The following MME variants were observed in gnomAD, a reference collection of about 807,000 sequenced individuals.
The protein encoded by MME is membrane metalloendopeptidase, also known as neprilysin.
In MME, 98 loss-of-function variants were observed where a neutral mutation model predicts 113.2. That is an observed-to-expected ratio of 0.87 (90% CI 0.74 to 1.02). The LOEUF is 1.02. Ranked by LOEUF, MME falls within the 50% of genes least tolerant of loss-of-function variation. The pLI, the probability that MME is intolerant of heterozygous loss-of-function variation, is 0.00. For synonymous variants in MME, 292 were observed against 300.6 expected, an observed-to-expected ratio of 0.97 and a Z score of 0.30; for missense variants, 836 against 896.0, an observed-to-expected ratio of 0.93 and a Z score of 0.86.
rs1713134561 is a variant in MME, at chr3:155,181,979, T to C, written c.*1520T>C. 6.6e-6 allele frequency: 1 copy of C among 152,098 alleles called. No individual in the cohort carries two copies. The highest frequency in any genetic ancestry group is 6.6e-5 in the Admixed American group (1 of 15,256). 9.4% of individuals were successfully genotyped at this position (152,098 alleles called of 1,614,324 possible). Reference sequence around the variant, plus strand: ...ACATAAATTGCATAAAGCATAAGTATACAGTTCAATAAACTTAACTTTAAC... The same window carrying C: ...ACATAAATTGCATAAAGCATAAGTACACAGTTCAATAAACTTAACTTTAAC... On this transcript the variant is annotated 3_prime_UTR_variant, in exon 23 of 23. Transcript: ENST00000360490.
chr3:155,119,181 C>G (rs901203861), intron 8 of MME, among the ~76,000 whole-genome samples: 1 of 152,092 alleles, frequency 6.6e-6, no homozygotes, highest in African/African-American at 2.4e-5. Context: ...ACCAGAGGGT[C>G]AGTGAGAGAT....
rs769125612 is a variant in MME, at chr3:155,180,481, C to G, written c.*22C>G. 1 of 1,583,126 alleles carries G rather than the reference C, an allele frequency of 6.3e-7. No individual in the cohort carries two copies. The highest frequency in any genetic ancestry group is 8.7e-7 in the Non-Finnish European group (1 of 1,152,098). ...GTGATCTTCAAAAGAAGCATTGCAGCCCTTGGCTAGACTTGCCAACACCAC... is the reference window on the plus strand; with the variant it reads ...GTGATCTTCAAAAGAAGCATTGCAGGCCTTGGCTAGACTTGCCAACACCAC... On this transcript the variant is annotated 3_prime_UTR_variant, in exon 23 of 23. Coordinates refer to ENST00000360490, the MANE Select transcript of MME (RefSeq NM_007289.4).
At chr3:155,105,169 T>G (rs1335931664) in intron 3 of MME, among the ~76,000 whole-genome samples, 1 of 152,190 alleles carries the variant, frequency 6.6e-6, no homozygotes, top group African/African-American at 2.4e-5. Flanking sequence ...AACTGAAGTT[T>G]ATTATTGTGA....
Position 155,142,275 on chromosome 3 carries a change from A to T in MME, c.1133A>T (p.Asp378Val), listed in dbSNP as rs201810771. Residue 378 changes from aspartate to valine, a missense_variant, in exon 12 of 23, where the codon GAT becomes GTT. Coordinates refer to ENST00000360490, the MANE Select transcript of MME (RefSeq NM_007289.4). The stretch of plus-strand genomic sequence containing the variant: ...TTAATGTCCTGGAGATTCATAATGG[A>T]TCTTGTAAGCAGCCTCAGCCGAACC... ...QNLMSWRFIMDLVSSLSRTYK... is the reference protein window; with the variant it reads ...QNLMSWRFIMVLVSSLSRTYK... The T allele has an allele frequency of 4.7e-5, 76 of 1,613,614 alleles. No individual in the cohort carries two copies. Among genetic ancestry groups the T allele is most frequent in the Non-Finnish European group, 9.3e-6 (11 of 1,179,712 alleles).
At chr3:155,053,144 C>G (rs946199925) in intron 1 of MME, among the ~76,000 whole-genome samples, 1 of 152,136 alleles carries the variant, frequency 6.6e-6, no homozygotes, top group Admixed American at 6.5e-5. Context: ...CAAACTTTCC[C>G]ACATTTTCCT....
intron 21 of MME, 66 bp downstream of exon 21, chr3:155,172,278 G>A: frequency 1.8e-6 from 2 of 1,100,088 alleles, no homozygotes; most frequent in South Asian, 2.5e-5. Context: ...CAGTAAGTTA[G>A]ATGTCACATG....
chr3:155,026,437 G>A (rs1041533310), intron 1 of MME, among the ~76,000 whole-genome samples: 9 of 152,074 alleles, frequency 5.9e-5, no homozygotes, highest in African/African-American at 2.2e-4. Flanking sequence ...AGAAAAATAA[G>A]CCTTGGCTGA....
At chr3:155,173,572 GTCATCATCA>G (rs71624560) in intron 22 of MME, among the ~76,000 whole-genome samples, 1 of 149,870 alleles carries the variant, frequency 6.7e-6, no homozygotes, top group Non-Finnish European at 1.5e-5. Flanking sequence ...TATCATCGTT[GTCATCATCA>G]TCATCATCAT....
At chr3:155,161,513 C>A (rs1722721232) in intron 17 of MME, among the ~76,000 whole-genome samples, 1 of 151,916 alleles carries the variant, frequency 6.6e-6, no homozygotes, top group Admixed American at 6.6e-5. Flanking sequence ...TAAAAAAAAA[C>A]TAACCTTAAA....
chr3:155,059,337 G>GC (rs1714059647), intron 1 of MME, among the ~76,000 whole-genome samples: 1 of 150,148 alleles, frequency 6.7e-6, no homozygotes, highest in Non-Finnish European at 1.5e-5. Flanking sequence ...ATCAAAACCT[G>GC]CCCAGAATGA....
intron 3 of MME, among the ~76,000 whole-genome samples, chr3:155,110,506 T>C (rs1195832769): frequency 6.6e-6 from 1 of 152,224 alleles, no homozygotes; most frequent in African/African-American, 2.4e-5. Flanking sequence ...TTGAACTTGC[T>C]TTTAAATTCC....
chr3:155,104,489 G>A lies in MME; in HGVS notation c.197-10505G>A, dbSNP rs114860297. Among the ~76,000 whole-genome samples the A allele has an allele frequency of 4.5e-3, 689 of 152,296 alleles. 4 individuals carry two copies. The highest frequency in any genetic ancestry group is 0.015 in the African/African-American group (640 of 41,568). ...TAGGCAGCATTCGAGAAGCACTGTCGACTCAGCTTTCCTCTGGCTGTTGTC... is the reference window on the plus strand; with the variant it reads ...TAGGCAGCATTCGAGAAGCACTGTCAACTCAGCTTTCCTCTGGCTGTTGTC... On this transcript the variant is annotated intron_variant, in intron 3 of 22. Transcript: ENST00000360490.
At chr3:155,085,505 G>A (rs962058349) in intron 3 of MME, 3 of 154,128 alleles carry the variant, frequency 1.9e-5, no homozygotes, top group Non-Finnish European at 4.3e-5. Context: ...GTTAAAATCT[G>A]GGAAGAAATT....
At chr3:155,107,768 C>G (rs1241482545) in intron 3 of MME, among the ~76,000 whole-genome samples, 1 of 152,208 alleles carries the variant, frequency 6.6e-6, no homozygotes, top group East Asian at 1.9e-4. Context: ...CACACATGTA[C>G]TCAGCTGAGA....
intron 16 of MME, among the ~76,000 whole-genome samples, chr3:155,156,479 G>A (rs1722314397): frequency 6.6e-6 from 1 of 152,096 alleles, no homozygotes; most frequent in South Asian, 2.1e-4. Context: ...TTGATTGGAA[G>A]GTGAGCAGGT....
At chr3:155,140,969 GCT>G (rs1033195356) in intron 10 of MME, among the ~76,000 whole-genome samples, 3 of 152,086 alleles carry the variant, frequency 2.0e-5, no homozygotes, top group African/African-American at 7.2e-5. Context: ...AAAAAGAAAA[GCT>G]CTCTCATAGA....
chr3:155,180,072 A>G (rs1368323480), intron 22 of MME, among the ~76,000 whole-genome samples: 1 of 152,204 alleles, frequency 6.6e-6, no homozygotes, highest in African/African-American at 2.4e-5. Context: ...CAACCTTAAG[A>G]TGCATGTTCT....
At chr3:155,085,528 T>C (rs1296739566) in intron 3 of MME, 2 of 150,282 alleles carry the variant, frequency 1.3e-5, no homozygotes, top group African/African-American at 2.6e-5. Flanking sequence ...ATTTTATTTA[T>C]TTTTTTTATT....
intron 3 of MME, among the ~76,000 whole-genome samples, chr3:155,097,807 A>G (rs1315164464): frequency 6.6e-6 from 1 of 152,146 alleles, no homozygotes; most frequent in Non-Finnish European, 1.5e-5. Flanking sequence ...GTAAGTAAGG[A>G]GAGTATGAAG....
Sources: allele counts gnomAD v4.1 joint callset (sites outside exome capture counted in the v4.1 genomes callset), GRCh38; gene constraint gnomAD v4.1.1; transcripts MANE v1.5; gene names NCBI Gene and HGNC (gene_info 2026-07-23, HGNC 2026-07-21).